The following ABRAXAS1 variants were observed in gnomAD, a reference collection of about 807,000 sequenced individuals.
ABRAXAS1 encodes abraxas 1, BRCA1 A complex subunit.
In ABRAXAS1, 26 loss-of-function variants were observed where a neutral mutation model predicts 38.4. The observed-to-expected ratio is 0.68, with a 90% CI of 0.50 to 0.94. The LOEUF (loss-of-function observed/expected upper bound fraction) is 0.94, where lower values mean the gene tolerates loss of function less well. Among genes scored for constraint, ABRAXAS1 ranks in the 40% least tolerant of loss-of-function variants. The pLI, the probability that ABRAXAS1 is intolerant of heterozygous loss-of-function variation, is 0.00. For missense variants in ABRAXAS1, 438 were observed against 481.9 expected, an observed-to-expected ratio of 0.91 and a Z score of 0.85; for synonymous variants, 144 against 165.5, an observed-to-expected ratio of 0.87 and a Z score of 1.00.
chr4:83,470,224 G>C lies in ABRAXAS1; in HGVS notation c.455C>G (p.Ser152Cys). Residue 152 changes from serine to cysteine, a missense_variant, in exon 5 of 9, where the codon TCC becomes TGC. Ser to Cys is a moderately radical substitution (Grantham distance 112). Around this residue, in one of 3 missense-constraint regions of ABRAXAS1, gnomAD observed 194 missense variants for 269.0 expected, o/e 0.72. Transcript: ENST00000321945. ...ESCSTHRLEHSLYKPQKGLFH... is the reference protein window; with the variant it reads ...ESCSTHRLEHCLYKPQKGLFH... Reference sequence around the variant, plus strand: ...TTACCCTTTTTGAGGTTTATATAAGGAATGTTCCAGTCGATGAGTAGAGCA... The same window carrying C: ...TTACCCTTTTTGAGGTTTATATAAGCAATGTTCCAGTCGATGAGTAGAGCA... 6.2e-7 allele frequency: 1 copy of C among 1,613,152 alleles called. No individual in the cohort carries two copies. Among genetic ancestry groups the C allele is most frequent in the Non-Finnish European group, 8.5e-7 (1 of 1,179,450 alleles).
intron 8 of ABRAXAS1, among the ~76,000 whole-genome samples, chr4:83,463,247 T>A (rs1388145523): frequency 6.6e-6 from 1 of 151,972 alleles, no homozygotes; most frequent in Non-Finnish European, 1.5e-5. Flanking sequence ...CTGGCCAACA[T>A]GGTGAAACCC....
intron 6 of ABRAXAS1, among the ~76,000 whole-genome samples, chr4:83,468,063 G>A (rs1439151423): frequency 2.6e-5 from 4 of 152,138 alleles, no homozygotes; most frequent in Non-Finnish European, 5.9e-5. Context: ...AACACTTTGG[G>A]AGGCTGAGGC....
Position 83,462,361 on chromosome 4 carries a change from TA to T in ABRAXAS1, c.*107del. On this transcript the variant is annotated 3_prime_UTR_variant, in exon 9 of 9. Coordinates refer to ENST00000321945, the MANE Select transcript of ABRAXAS1 (RefSeq NM_139076.3). ...TATTACTGCAAACAGGTGAACATAG[TA>T]AAAACAAATGAACTTACTGCAAGTA... is the stretch of plus-strand genomic sequence containing the variant. 1.0e-6 allele frequency: 1 copy of T among 973,780 alleles called. No individual in the cohort carries two copies. The highest frequency in any genetic ancestry group is 1.5e-6 in the Non-Finnish European group (1 of 649,152). The allele number at this position is 973,780 out of a possible 1,614,324, so 60.3% of individuals were successfully genotyped here. A position where few individuals can be genotyped will look rare whatever the true frequency, so the allele number is the denominator to read the frequency against.
At chr4:83,465,649 G>A (rs956864286) in intron 7 of ABRAXAS1, among the ~76,000 whole-genome samples, 23 of 152,084 alleles carry the variant, frequency 1.5e-4, no homozygotes, top group African/African-American at 5.3e-4. Flanking sequence ...TTAGCTGGGT[G>A]TAGTGGTGCA....
rs374948059 is a variant in ABRAXAS1 at position 83,462,929 on chromosome 4, C to T, written c.797-27G>A. On this transcript the variant is annotated intron_variant, in intron 8 of 8. Coordinates refer to ENST00000321945, the MANE Select transcript of ABRAXAS1 (RefSeq NM_139076.3). ...TAAACAAAATAGAATAACAGTTCAA[C>T]ATATAACATTTCTTCTACAAAGCTT... 39 of 1,412,458 alleles carry T rather than the reference C, an allele frequency of 2.8e-5. No homozygotes were observed. In the African/African-American group the frequency reaches 5.3e-4, roughly 19 times the overall value. The allele number at this position is 1,412,458 out of a possible 1,614,324, so 87.5% of individuals were successfully genotyped here. A position where few individuals can be genotyped will look rare whatever the true frequency, so the allele number is the denominator to read the frequency against.
At chr4:83,464,320 A>C (rs928248717) in intron 7 of ABRAXAS1, among the ~76,000 whole-genome samples, 1 of 152,358 alleles carries the variant, frequency 6.6e-6, no homozygotes, top group Non-Finnish European at 1.5e-5. Flanking sequence ...ATACTATTGA[A>C]GATTTTTTCC....
At position 83,462,163 on chromosome 4, in the gene ABRAXAS1, G is replaced by A. The variant is rs1386677286; in HGVS notation, c.*306C>T. ...CTGACTTGTCTTCCCTAAGTGCTGG[G>A]ATTACAGGTGTGAGCCACTGTGCCT... On this transcript the variant is annotated 3_prime_UTR_variant, in exon 9 of 9. Coordinates refer to ENST00000321945, the MANE Select transcript of ABRAXAS1 (RefSeq NM_139076.3). 9.5e-6 allele frequency: 3 copies of A among 315,318 alleles called. No homozygotes were observed. The highest frequency in any genetic ancestry group is 4.8e-5 in the Admixed American group (1 of 20,918). The allele number at this position is 315,318 out of a possible 1,614,324, so 19.5% of individuals were successfully genotyped here. A position where few individuals can be genotyped will look rare whatever the true frequency, so the allele number is the denominator to read the frequency against.
Position 83,459,716 on chromosome 4 carries a change from C to T in ABRAXAS1, c.*2753G>A. 1 of 1,591,940 alleles carries T rather than the reference C, an allele frequency of 6.3e-7. No homozygotes were observed. Among genetic ancestry groups the T allele is most frequent in the Non-Finnish European group, 8.6e-7 (1 of 1,168,648 alleles). ...ATAAATAACAGATACTTTTTTTTCCCCTCCACATAAAACTCCAAAACAGCT... is the reference window on the plus strand; with the variant it reads ...ATAAATAACAGATACTTTTTTTTCCTCTCCACATAAAACTCCAAAACAGCT... On this transcript the variant is annotated 3_prime_UTR_variant, in exon 9 of 9. Transcript: ENST00000321945.
chr4:83,469,080 G>A lies in ABRAXAS1; in HGVS notation c.548C>T (p.Ser183Leu). The A allele has an allele frequency of 1.9e-6, 3 of 1,613,802 alleles. No homozygotes were observed. The highest frequency in any genetic ancestry group is 2.5e-6 in the Non-Finnish European group (3 of 1,179,930). Residue 183 changes from serine to leucine, a missense_variant, in exon 6 of 9, where the codon TCA (serine) becomes TTA (leucine). Physicochemically the swap from Ser to Leu is moderately radical, Grantham distance 145. Transcript: ENST00000321945. Reference sequence around the variant, plus strand: ...AAAACCAGTGGACATACAGGAACCTGATACAGTTTTATAACCCAGTTGTTC... The same window carrying A: ...AAAACCAGTGGACATACAGGAACCTAATACAGTTTTATAACCCAGTTGTTC... ...MSEQLGYKTV[S>L]GSCMSTGFSR...
At chr4:83,480,419 T>C (rs961400029) in intron 2 of ABRAXAS1, 14 of 330,598 alleles carry the variant, frequency 4.2e-5, no homozygotes, top group Non-Finnish European at 8.4e-5. Flanking sequence ...CACACACACA[T>C]TTACATTTGT....
intron 6 of ABRAXAS1, among the ~76,000 whole-genome samples, chr4:83,468,228 C>T (rs1427979877): frequency 1.3e-5 from 2 of 151,530 alleles, no homozygotes; most frequent in African/African-American, 4.9e-5. Context: ...TCACTTGAAC[C>T]TGGGAAGGAC....
intron 4 of ABRAXAS1, among the ~76,000 whole-genome samples, chr4:83,471,267 G>C (rs549436724): frequency 4.7e-5 from 6 of 126,488 alleles, no homozygotes; most frequent in African/African-American, 1.5e-4. Flanking sequence ...GCAATGGCAC[G>C]ATCTCAGCTC....
rs755509570 is a variant in ABRAXAS1, at chr4:83,459,756, T to G, written c.*2713A>C. ...CCAAAACAGCTTTTGTCCCAGTTTGTTTCTCCATTTACTGGATGCATTTAT... is the reference window on the plus strand; with the variant it reads ...CCAAAACAGCTTTTGTCCCAGTTTGGTTCTCCATTTACTGGATGCATTTAT... On this transcript the variant is annotated 3_prime_UTR_variant, in exon 9 of 9. Transcript: ENST00000321945. 6.2e-7 allele frequency: 1 copy of G among 1,610,972 alleles called. No individual in the cohort carries two copies. Among genetic ancestry groups the G allele is most frequent in the Non-Finnish European group, 8.5e-7 (1 of 1,178,440 alleles).
chr4:83,469,631 G>GCTGTC, intron 5 of ABRAXAS1: 1 of 161,998 alleles, frequency 6.2e-6, no homozygotes, highest in Non-Finnish European at 1.4e-5. Flanking sequence ...TAGTATAATA[G>GCTGTC]TGTGGAAAAA....
chr4:83,467,517 ATCT>A lies in ABRAXAS1; in HGVS notation c.615_617del (p.Glu205del), dbSNP rs759905964. ...TCTTATGTACCTCCTTTAAGGATCC[ATCT>A]TCTTCAAAAAATTTAGAGCTGTAAA... On this transcript the variant is annotated inframe_deletion, in exon 7 of 9. Coordinates refer to ENST00000321945, the MANE Select transcript of ABRAXAS1 (RefSeq NM_139076.3). 7.7e-6 allele frequency: 12 copies of A among 1,553,456 alleles called. No homozygotes were observed. The highest frequency in any genetic ancestry group is 4.1e-5 in the African/African-American group (3 of 73,536).
intron 4 of ABRAXAS1, among the ~76,000 whole-genome samples, chr4:83,471,209 TTTTTTTTTTTTTTTGA>T (rs1166614146): frequency 2.4e-5 from 3 of 124,522 alleles, no homozygotes; most frequent in African/African-American, 9.8e-5. Flanking sequence ...TTTTTTTTTT[TTTTTTTTTTTTTTTGA>T]GACAGTCTGG....
At position 83,461,954 on chromosome 4, in the gene ABRAXAS1, A is replaced by G. The variant is rs759083370; in HGVS notation, c.*515T>C. 8.7e-6 allele frequency: 2 copies of G among 229,854 alleles called. No individual in the cohort carries two copies. The highest frequency in any genetic ancestry group is 1.7e-5 in the Non-Finnish European group (2 of 116,014). 14.2% of individuals were successfully genotyped at this position (229,854 alleles called of 1,614,324 possible). ...AGCATTTTATCTGGCAACTCTAGCCATAATGTACTTCTAAAAAAGTATCAC... is the reference window on the plus strand; with the variant it reads ...AGCATTTTATCTGGCAACTCTAGCCGTAATGTACTTCTAAAAAAGTATCAC... On this transcript the variant is annotated 3_prime_UTR_variant, in exon 9 of 9. Transcript: ENST00000321945.
rs190063949 is a variant in ABRAXAS1, at chr4:83,462,068, A to G, written c.*401T>C. 3.9e-3 allele frequency: 896 copies of G among 231,816 alleles called. 5 individuals carry two copies. The highest frequency in any genetic ancestry group is 8.5e-3 in the South Asian group (47 of 5,514). The allele number at this position is 231,816 out of a possible 1,614,324, so 14.4% of individuals were successfully genotyped here. The stretch of plus-strand genomic sequence containing the variant: ...AAGGCTATTCTTGCTTTTCCATTTT[A>G]TTTTTTAATAGACATGGTCTCAATA... On this transcript the variant is annotated 3_prime_UTR_variant, in exon 9 of 9. Coordinates refer to ENST00000321945, the MANE Select transcript of ABRAXAS1 (RefSeq NM_139076.3).
rs749184518 is a variant in ABRAXAS1 at position 83,482,229 on chromosome 4, C to G, written c.103G>C (p.Gly35Arg). ...TTCTTGGCTTCACCTTTTACTTCCC[C>G]AAGAAGAAAACCTTCCTATGAAGAT... Reference protein sequence around the residue: ...TDSDTEGFLLGEVKGEAKNSI... With the variant: ...TDSDTEGFLLREVKGEAKNSI... Residue 35 changes from glycine (G) to arginine (R), a missense_variant, in exon 2 of 9, where the codon GGG becomes CGG. Physicochemically the swap from Gly to Arg is moderately radical, Grantham distance 125. Transcript: ENST00000321945. 4.3e-6 allele frequency: 7 copies of G among 1,609,242 alleles called. No homozygotes were observed. The highest frequency in any genetic ancestry group is 3.3e-5 in the South Asian group (3 of 90,446).
Sources: allele counts gnomAD v4.1 joint callset (sites outside exome capture counted in the v4.1 genomes callset), GRCh38; gene constraint gnomAD v4.1.1; regional missense constraint gnomAD v4.1.1; transcripts MANE v1.5; gene names NCBI Gene and HGNC (gene_info 2026-07-23, HGNC 2026-07-21).